Variants in DOK6 observed in about 807,000 individuals in gnomAD.
DOK6 encodes the protein downstream of tyrosine kinase 6.
A neutral mutation model predicts 44.0 loss-of-function variants in DOK6; 22 were observed. That is an observed-to-expected ratio of 0.50 (90% CI 0.36 to 0.71). The LOEUF (loss-of-function observed/expected upper bound fraction) is 0.71, where lower values mean the gene tolerates loss of function less well. DOK6 is among the 30% of genes least tolerant of loss of function. The pLI, the probability that DOK6 is intolerant of heterozygous loss-of-function variation, is 0.00. For synonymous variants in DOK6, 166 were observed against 145.5 expected, an observed-to-expected ratio of 1.14 and a Z score of -1.01; for missense variants, 340 against 416.4, an observed-to-expected ratio of 0.82 and a Z score of 1.60.
At chr18:69,807,114 C>T (rs1031572006) in intron 7 of DOK6, among the ~76,000 whole-genome samples, 2 of 151,636 alleles carry the variant, frequency 1.3e-5, no homozygotes, top group African/African-American at 2.4e-5. Flanking sequence ...GTGTGGGCCC[C>T]AAATTAGCAT....
chr18:69,490,584 CA>C (rs1980708140), intron 1 of DOK6, among the ~76,000 whole-genome samples: 1 of 151,862 alleles, frequency 6.6e-6, no homozygotes, highest in Non-Finnish European at 1.5e-5. Context: ...TTACGTAATA[CA>C]AACTATTCAC....
chr18:69,636,638 C>A (rs1033160221), intron 3 of DOK6, among the ~76,000 whole-genome samples: 13 of 152,198 alleles, frequency 8.5e-5, no homozygotes, highest in African/African-American at 3.1e-4. Context: ...TCTGGGGCAA[C>A]ATTGGTTTGC....
At position 69,646,560 on chromosome 18, in the gene DOK6, G is replaced by A. The variant is rs562437976; in HGVS notation, c.290-31174G>A. Among the ~76,000 whole-genome samples, 7 of 152,222 alleles carry A rather than the reference G, an allele frequency of 4.6e-5. No individual in the cohort carries two copies. The South Asian group carries it at 1.2e-3, about 27-fold the overall frequency. ...CAGGGATATAGAGTTTGAGGGGCTCGCTGGGTTTAATCCTTGAGGATTTCT... is the reference window on the plus strand; with the variant it reads ...CAGGGATATAGAGTTTGAGGGGCTCACTGGGTTTAATCCTTGAGGATTTCT... On this transcript the variant is annotated intron_variant, in intron 3 of 7. Transcript: ENST00000382713.
At chr18:69,763,412 T>C (rs895315115) in intron 7 of DOK6, among the ~76,000 whole-genome samples, 1 of 152,210 alleles carries the variant, frequency 6.6e-6, no homozygotes, top group Non-Finnish European at 1.5e-5. Context: ...AGAGATGTTG[T>C]CTCTAGACTG....
intron 3 of DOK6, among the ~76,000 whole-genome samples, chr18:69,632,052 T>C (rs964957141): frequency 1.3e-5 from 2 of 152,236 alleles, no homozygotes; most frequent in Non-Finnish European, 2.9e-5. Context: ...ACCTTAAATA[T>C]TTCTCCTTAA....
chr18:69,556,800 C>A (rs568861160), intron 1 of DOK6, among the ~76,000 whole-genome samples: 40 of 152,306 alleles, frequency 2.6e-4, no homozygotes, highest in African/African-American at 9.6e-4. Context: ...GAGCAAAACT[C>A]ATTTCTCTAT....
chr18:69,529,063 T>C (rs553690423), intron 1 of DOK6, among the ~76,000 whole-genome samples: 2 of 152,314 alleles, frequency 1.3e-5, no homozygotes, highest in South Asian at 4.1e-4. Flanking sequence ...TCCCTTTCTC[T>C]TTGTGTGTGT....
intron 5 of DOK6, among the ~76,000 whole-genome samples, chr18:69,708,523 A>G (rs1020716670): frequency 6.6e-6 from 1 of 152,204 alleles, no homozygotes; most frequent in African/African-American, 2.4e-5. Flanking sequence ...GTGGTGGCTC[A>G]CGCCCGTAAT....
intron 1 of DOK6, among the ~76,000 whole-genome samples, chr18:69,545,853 A>C (rs371050154): frequency 1.3e-5 from 2 of 151,694 alleles, no homozygotes; most frequent in South Asian, 2.1e-4. Context: ...TGGTAAGTAC[A>C]TTCTCTTATA....
intron 3 of DOK6, among the ~76,000 whole-genome samples, chr18:69,641,759 T>G (rs1984947101): frequency 6.6e-6 from 1 of 152,192 alleles, no homozygotes; most frequent in Non-Finnish European, 1.5e-5. Flanking sequence ...TCTAGTGATA[T>G]AGGATCTACA....
chr18:69,656,859 A>C (rs1330277867), intron 3 of DOK6, among the ~76,000 whole-genome samples: 1 of 152,172 alleles, frequency 6.6e-6, no homozygotes, highest in Non-Finnish European at 1.5e-5. Context: ...AGCTTGTTAG[A>C]ATGCAACTTC....
At chr18:69,493,078 T>G (rs142293879) in intron 1 of DOK6, among the ~76,000 whole-genome samples, 2 of 152,246 alleles carry the variant, frequency 1.3e-5, no homozygotes, top group East Asian at 3.9e-4. Context: ...TGTCATTGTA[T>G]GACAGTCACC....
intron 3 of DOK6, among the ~76,000 whole-genome samples, chr18:69,607,681 T>C (rs1014332746): frequency 2.0e-5 from 3 of 152,114 alleles, no homozygotes; most frequent in Non-Finnish European, 4.4e-5. Flanking sequence ...AAAGACAATA[T>C]GTTAAAGTCT....
intron 1 of DOK6, among the ~76,000 whole-genome samples, chr18:69,519,160 A>G (rs991390291): frequency 6.6e-6 from 1 of 152,094 alleles, no homozygotes; most frequent in Non-Finnish European, 1.5e-5. Flanking sequence ...CAGATTTTGT[A>G]TTGAGCACCA....
At chr18:69,712,272 C>T (rs1458752710) in intron 5 of DOK6, among the ~76,000 whole-genome samples, 1 of 82,042 alleles carries the variant, frequency 1.2e-5, no homozygotes, top group Non-Finnish European at 2.1e-5. Context: ...CAGAGCGAGA[C>T]TCCGTCTCAA....
chr18:69,694,988 C>A (rs986095112), intron 4 of DOK6, among the ~76,000 whole-genome samples: 8 of 152,176 alleles, frequency 5.3e-5, no homozygotes, highest in African/African-American at 1.9e-4. Context: ...CAAAATCAGA[C>A]ATGAATCAGT....
rs1568144839 is a variant in DOK6, at chr18:69,847,117, T to C, written c.*5734T>C. ...GTAGAAATATTCCCTCTAACAATTCTGTTTAACTAGTAAGTTTTTTTTAAG... is the reference window on the plus strand; with the variant it reads ...GTAGAAATATTCCCTCTAACAATTCCGTTTAACTAGTAAGTTTTTTTTAAG... On this transcript the variant is annotated 3_prime_UTR_variant, in exon 8 of 8. Transcript: ENST00000382713. 1 of 152,188 alleles carries C rather than the reference T, an allele frequency of 6.6e-6. No individual in the cohort carries two copies. The highest frequency in any genetic ancestry group is 1.5e-5 in the Non-Finnish European group (1 of 68,022). The allele number at this position is 152,188 out of a possible 1,614,324, so 9.4% of individuals were successfully genotyped here.
In DOK6 at chr18:69,845,094, T is replaced by C. The variant is rs1349236468; in HGVS notation, c.*3711T>C. On this transcript the variant is annotated 3_prime_UTR_variant, in exon 8 of 8. Coordinates refer to ENST00000382713, the MANE Select transcript of DOK6 (RefSeq NM_152721.6). ...GTTTGGCCAGTATCACAGAAAACTTTGTAAAAAAGCATGGGGACCCTACTC... is the reference window on the plus strand; with the variant it reads ...GTTTGGCCAGTATCACAGAAAACTTCGTAAAAAAGCATGGGGACCCTACTC... 2.0e-5 allele frequency: 3 copies of C among 152,208 alleles called. No homozygotes were observed. Among genetic ancestry groups the C allele is most frequent in the Non-Finnish European group, 4.4e-5 (3 of 68,036 alleles). The allele number at this position is 152,208 out of a possible 1,614,324, so 9.4% of individuals were successfully genotyped here.
At chr18:69,750,445 CAT>C (rs1599304666) in intron 6 of DOK6, among the ~76,000 whole-genome samples, 2 of 152,024 alleles carry the variant, frequency 1.3e-5, no homozygotes, top group African/African-American at 4.8e-5. Flanking sequence ...TTTCAAAAGA[CAT>C]AAAAATGGCT....
Sources: gnomAD v4.1 joint callset for allele counts (sites outside exome capture counted in the v4.1 genomes callset) on GRCh38, gnomAD v4.1.1 for gene constraint, MANE v1.5 for transcripts, NCBI Gene and HGNC (gene_info 2026-07-23, HGNC 2026-07-21) for gene names.